PM20D1: variants seen among roughly 807,000 people sequenced by gnomAD.
PM20D1 encodes the protein N-fatty-acyl-amino acid synthase/hydrolase PM20D1.
Under a neutral mutation model 53.8 loss-of-function variants are expected in PM20D1, and 53 were observed. The observed-to-expected ratio is 0.98, with a 90% CI of 0.79 to 1.24. The LOEUF is 1.24. PM20D1 is among the 50% of genes most tolerant of loss of function. The pLI is 0.00. For missense variants in PM20D1, 564 were observed against 616.8 expected, an observed-to-expected ratio of 0.91 and a Z score of 0.91; for synonymous variants, 239 against 241.3, an observed-to-expected ratio of 0.99 and a Z score of 0.09.
rs760502680 is a variant in PM20D1 at position 205,828,466 on chromosome 1, G to A, written c.*154C>T. ...ATTTCTGCTGACTTTACCTTACCCC[G>A]GCCTTGTTCTTGGGAGAGTTTAAGA... On this transcript the variant is annotated 3_prime_UTR_variant, in exon 13 of 13. Transcript: ENST00000367136. 4 of 1,105,102 alleles carry A rather than the reference G, an allele frequency of 3.6e-6. No homozygotes were observed. The highest frequency in any genetic ancestry group is 2.8e-5 in the East Asian group (1 of 36,326). The allele number at this position is 1,105,102 out of a possible 1,614,324, so 68.5% of individuals were successfully genotyped here.
chr1:205,840,220 A>G, intron 10 of PM20D1, 32 bp downstream of exon 10: 2 of 1,589,460 alleles, frequency 1.3e-6, no homozygotes, highest in Non-Finnish European at 1.7e-6. Flanking sequence ...CTGATGCTGC[A>G]TGAGTTGTTG....
At chr1:205,840,415 A>AACTCTGCCT in intron 9 of PM20D1, 92 bp from the exon 10 acceptor site, 1 of 1,210,604 alleles carries the variant, frequency 8.3e-7, no homozygotes, top group Non-Finnish European at 1.2e-6. Context: ...CAGCTCAGGC[A>AACTCTGCCT]GAGTTGGCTG....
At chr1:205,843,573 G>T in intron 6 of PM20D1, 94 bp downstream of exon 6, 1 of 1,501,378 alleles carries the variant, frequency 6.7e-7, no homozygotes, top group South Asian at 1.3e-5. Context: ...CCCAACTTTA[G>T]GGCAGGAAGC....
At position 205,843,776 on chromosome 1, in the gene PM20D1, A is replaced by G; in HGVS notation, c.718T>C (p.Ser240Pro). 1.2e-6 allele frequency: 2 copies of G among 1,614,010 alleles called. No homozygotes were observed. The highest frequency in any genetic ancestry group is 1.3e-5 in the African/African-American group (1 of 75,006). Residue 240 changes from serine to proline, a missense_variant, in exon 6 of 13, where the codon TCA becomes CCA. Physicochemically the swap from Ser to Pro is moderately conservative, Grantham distance 74. Transcript: ENST00000367136. ...FKKPIALIAV[S>P]EKGSMNLMLQ... is the part of the protein sequence containing the mutation. ...ATGAGGTTCATGGAACCCTTCTCTGAGACTGCAATCCTGTAGAAGAGGATC... is the reference window on the plus strand; with the variant it reads ...ATGAGGTTCATGGAACCCTTCTCTGGGACTGCAATCCTGTAGAAGAGGATC...
At chr1:205,843,626 A>T in intron 6 of PM20D1, 41 bp downstream of exon 6, 1 of 1,588,236 alleles carries the variant, frequency 6.3e-7, no homozygotes, top group Non-Finnish European at 8.6e-7. Context: ...CAGGGCTTCC[A>T]TCTCAAGTCT....
At chr1:205,829,978 C>T in intron 12 of PM20D1, 1 of 281,340 alleles carries the variant, frequency 3.6e-6, no homozygotes, top group Non-Finnish European at 6.7e-6. Flanking sequence ...AAGCCCTCTC[C>T]CAAAGAGAGG....
chr1:205,840,191 C>T, intron 10 of PM20D1, 61 bp downstream of exon 10: 1 of 1,496,068 alleles, frequency 6.7e-7, no homozygotes, highest in Admixed American at 1.8e-5. Flanking sequence ...TAAACCCGGG[C>T]CCTGAGGGCC....
Position 205,828,542 on chromosome 1 carries a change from TTCA to T in PM20D1, c.*75_*77del. On this transcript the variant is annotated 3_prime_UTR_variant, in exon 13 of 13. Coordinates refer to ENST00000367136, the MANE Select transcript of PM20D1 (RefSeq NM_152491.5). The stretch of plus-strand genomic sequence containing the variant: ...TTACAATGTGGTTTTGATCAAAAGT[TTCA>T]TCAACACTAGCTTTCCCCCTTGGGT... 1.9e-6 allele frequency: 3 copies of T among 1,568,270 alleles called. No individual in the cohort carries two copies. Among genetic ancestry groups the T allele is most frequent in the African/African-American group, 1.4e-5 (1 of 73,618 alleles).
In PM20D1 at chr1:205,828,607, A is replaced by G. The variant is rs1397966425; in HGVS notation, c.*13T>C. 16 of 1,613,894 alleles carry G rather than the reference A, an allele frequency of 9.9e-6. No individual in the cohort carries two copies. The highest frequency in any genetic ancestry group is 1.4e-5 in the Non-Finnish European group (16 of 1,179,948). On this transcript the variant is annotated 3_prime_UTR_variant, in exon 13 of 13. Transcript: ENST00000367136. ...CGGGGTCGGGCATGCCTAACCCAGC[A>G]GGCCCCTTGACCTCACAGTTTGTGC...
intron 9 of PM20D1, among the ~76,000 whole-genome samples, chr1:205,841,255 A>G (rs181151756): frequency 1.5e-4 from 23 of 152,302 alleles, no homozygotes; most frequent in Non-Finnish European, 1.9e-4. Flanking sequence ...CCAAGTGCAT[A>G]TCTTTCTTTG....
intron 11 of PM20D1, 68 bp from the exon 12 acceptor site, chr1:205,830,447 G>T: frequency 8.6e-7 from 1 of 1,166,876 alleles, no homozygotes. Context: ...TGGCTGGGGT[G>T]TGGCCTGGCT....
chr1:205,842,857 A>G, intron 6 of PM20D1, 106 bp from the exon 7 acceptor site: 1 of 940,882 alleles, frequency 1.1e-6, no homozygotes, highest in South Asian at 1.4e-5. Flanking sequence ...GCTCCTGGCC[A>G]AGAGGTCTCT....
At chr1:205,832,792 C>A in intron 10 of PM20D1, 26 bp from the exon 11 acceptor site, 2 of 1,532,604 alleles carry the variant, frequency 1.3e-6, no homozygotes, top group South Asian at 2.6e-5. Context: ...AAAGGGGGTT[C>A]GATTTCTTAT....
intron 4 of PM20D1, 97 bp from the exon 5 acceptor site, chr1:205,844,314 A>G (rs755317766): frequency 7.3e-6 from 10 of 1,370,290 alleles, no homozygotes; most frequent in African/African-American, 1.4e-5. Flanking sequence ...TAGGGGCTCC[A>G]GAACCTTTCT....
rs200419401 is a variant in PM20D1, at chr1:205,830,272, C to A, written c.1385+8G>T. 7.1e-5 allele frequency: 112 copies of A among 1,566,910 alleles called. No homozygotes were observed. The highest frequency in any genetic ancestry group is 8.2e-5 in the Non-Finnish European group (93 of 1,137,192). Reference sequence around the variant, plus strand: ...CTCCCACCTGCTGCTCAAACCTGTTCCACTCACCGTTTGAAGTCTTCAGGC... The same window carrying A: ...CTCCCACCTGCTGCTCAAACCTGTTACACTCACCGTTTGAAGTCTTCAGGC... On this transcript the variant is annotated splice_region_variant and intron_variant, in intron 12 of 12. Coordinates refer to ENST00000367136, the MANE Select transcript of PM20D1 (RefSeq NM_152491.5).
intron 9 of PM20D1, among the ~76,000 whole-genome samples, chr1:205,840,762 C>T (rs533720783): frequency 2.6e-4 from 40 of 152,304 alleles, no homozygotes; most frequent in African/African-American, 6.5e-4. Flanking sequence ...TGGCATAGCA[C>T]GGGGCTCACA....
rs1656909058 is a variant in PM20D1 at position 205,844,826 on chromosome 1, C to G, written c.561G>C (p.Leu187=). The part of the protein sequence containing the change: ...YIPRRSFFIS[L]GHDEESSGTG... ...GAGGCTCTACCTCCTCATCATGGCC[C>G]AGAGAAATGAAGAAAGATCTTCGGG... is the stretch of plus-strand genomic sequence containing the variant. Residue 187 remains leucine, a synonymous_variant, in exon 4 of 13, where the codon CTG becomes CTC. Transcript: ENST00000367136. The G allele has an allele frequency of 1.2e-6, 2 of 1,613,936 alleles. No individual in the cohort carries two copies. Among genetic ancestry groups the G allele is most frequent in the Non-Finnish European group, 1.7e-6 (2 of 1,179,930 alleles).
At chr1:205,836,675 T>C (rs1195289387) in intron 10 of PM20D1, among the ~76,000 whole-genome samples, 2 of 152,050 alleles carry the variant, frequency 1.3e-5, no homozygotes, top group Non-Finnish European at 2.9e-5. Flanking sequence ...TTAATATTTA[T>C]TTTTATTTGT....
Position 205,843,784 on chromosome 1 carries a change from AT to A in PM20D1, c.709del (p.Ile237LeufsTer9). 1.2e-6 allele frequency: 2 copies of A among 1,613,508 alleles called. No individual in the cohort carries two copies. The highest frequency in any genetic ancestry group is 1.7e-6 in the Non-Finnish European group (2 of 1,179,804). The stretch of plus-strand genomic sequence containing the variant: ...CATGGAACCCTTCTCTGAGACTGCA[AT>A]CCTGTAGAAGAGGATCGGAAACCAC... ...IPNFKKPIALIAVSEKGSMNL... is the reference protein window; with the variant it reads ...IPNFKKPIALXAVSEKGSMNL... On this transcript the variant is annotated frameshift_variant and splice_region_variant, in exon 6 of 13. Coordinates refer to ENST00000367136, the MANE Select transcript of PM20D1 (RefSeq NM_152491.5). LOFTEE classifies it high-confidence loss of function.
Sources: gnomAD v4.1 joint callset for allele counts (sites outside exome capture counted in the v4.1 genomes callset) on GRCh38, gnomAD v4.1.1 for gene constraint, MANE v1.5 for transcripts, NCBI Gene and HGNC (gene_info 2026-07-23, HGNC 2026-07-21) for gene names.